Variants in SEPTIN7 observed in about 807,000 individuals in gnomAD.
The protein encoded by SEPTIN7 is septin 7.
A neutral mutation model predicts 63.3 loss-of-function variants in SEPTIN7; 10 were observed. The observed-to-expected ratio is 0.16, with a 90% CI of 0.10 to 0.27. SEPTIN7 has a LOEUF of 0.27. Among genes scored for constraint, SEPTIN7 ranks in the 10% least tolerant of loss-of-function variants. SEPTIN7 has a pLI of 1.00. For synonymous variants in SEPTIN7, 131 were observed against 165.3 expected (o/e 0.79, Z 1.59); for missense variants, 310 against 521.0 (o/e 0.59, Z 3.94).
intron 3 of SEPTIN7, among the ~76,000 whole-genome samples, chr7:35,844,470 G>A (rs1382417871): frequency 2.0e-5 from 3 of 152,192 alleles, no homozygotes; most frequent in African/African-American, 4.8e-5. Flanking sequence ...TTGTAAAAGT[G>A]CAGCAGCTGT....
At chr7:35,834,335 A>G (rs959240165) in intron 3 of SEPTIN7, among the ~76,000 whole-genome samples, 3 of 152,030 alleles carry the variant, frequency 2.0e-5, no homozygotes, top group Non-Finnish European at 4.4e-5. Context: ...TAGTAGGATA[A>G]TGTCTGGTGA....
rs187822251 is a variant in SEPTIN7, at chr7:35,808,709, G to A, written c.61+7439G>A. ...CACCTCCCTTGCACCTCTTTTATAA[G>A]GTCATTAATCCTATTAATACCATTA... On this transcript the variant is annotated intron_variant, in intron 1 of 13. Coordinates refer to ENST00000350320, the MANE Select transcript of SEPTIN7 (RefSeq NM_001788.6). 3.1e-3 allele frequency among the ~76,000 whole-genome samples: 472 copies of A among 152,222 alleles called. 5 individuals carry two copies. Among genetic ancestry groups the A allele is most frequent in the African/African-American group, 0.011 (454 of 41,524 alleles).
At position 35,809,983 on chromosome 7, in the gene SEPTIN7, A is replaced by T. The variant is rs189547780; in HGVS notation, c.61+8713A>T. On this transcript the variant is annotated intron_variant, in intron 1 of 13. Coordinates refer to ENST00000350320, the MANE Select transcript of SEPTIN7 (RefSeq NM_001788.6). ...GTTAGGGAAGATGTGGGTGGTGAGT[A>T]ATGAGTCCAGAATATTTGAGCTTTC... Among the ~76,000 whole-genome samples, 4 of 152,230 alleles carry T rather than the reference A, an allele frequency of 2.6e-5. No homozygotes were observed. In the East Asian group the frequency reaches 5.8e-4, roughly 22 times the overall value.
chr7:35,820,382 C>T (rs1348614560), intron 1 of SEPTIN7, among the ~76,000 whole-genome samples: 1 of 152,118 alleles, frequency 6.6e-6, no homozygotes, highest in South Asian at 2.1e-4. Flanking sequence ...CCTTCCCTCC[C>T]TTACTTCATG....
At chr7:35,858,337 A>C (rs1169481218) in intron 3 of SEPTIN7, among the ~76,000 whole-genome samples, 1 of 152,044 alleles carries the variant, frequency 6.6e-6, no homozygotes, top group East Asian at 1.9e-4. Flanking sequence ...TCTTTTGAAG[A>C]ACCAACAATT....
intron 4 of SEPTIN7, among the ~76,000 whole-genome samples, chr7:35,864,218 A>G (rs559319324): frequency 6.1e-4 from 93 of 152,212 alleles, no homozygotes; most frequent in Non-Finnish European, 1.6e-4. Context: ...GCGATTCTGT[A>G]AGACTCCCAA....
chr7:35,856,453 C>T (rs1478383578), intron 3 of SEPTIN7, among the ~76,000 whole-genome samples: 1 of 152,146 alleles, frequency 6.6e-6, no homozygotes, highest in South Asian at 2.1e-4. Context: ...GTGTGTAAGA[C>T]TTTGTTTTTA....
At chr7:35,830,255 T>A (rs1326127069) in intron 1 of SEPTIN7, among the ~76,000 whole-genome samples, 1 of 151,330 alleles carries the variant, frequency 6.6e-6, no homozygotes, top group Non-Finnish European at 1.5e-5. Context: ...ATGCACTGTA[T>A]GTTTGGGGGG....
chr7:35,869,139 G>A (rs1785992022), intron 4 of SEPTIN7, among the ~76,000 whole-genome samples: 1 of 152,120 alleles, frequency 6.6e-6, no homozygotes, highest in Non-Finnish European at 1.5e-5. Flanking sequence ...GTTTTGGGAA[G>A]GAGGTTGCTA....
At chr7:35,903,485 T>G (rs1009930848) in intron 13 of SEPTIN7, among the ~76,000 whole-genome samples, 16 of 152,180 alleles carry the variant, frequency 1.1e-4, no homozygotes, top group Admixed American at 3.3e-4. Flanking sequence ...TAACTTACCT[T>G]CATTGGATTT....
intron 11 of SEPTIN7, among the ~76,000 whole-genome samples, chr7:35,895,501 T>A (rs774820218): frequency 6.6e-6 from 1 of 152,214 alleles, no homozygotes; most frequent in Non-Finnish European, 1.5e-5. Flanking sequence ...GAAACACACA[T>A]TTGCAGGTTT....
chr7:35,878,790 G>T (rs904084999), intron 6 of SEPTIN7, among the ~76,000 whole-genome samples: 3 of 152,092 alleles, frequency 2.0e-5, no homozygotes, highest in Non-Finnish European at 2.9e-5. Flanking sequence ...GGAAAATGGG[G>T]GTTCAGATGA....
chr7:35,823,693 A>T (rs1783350598), intron 1 of SEPTIN7, among the ~76,000 whole-genome samples: 1 of 152,190 alleles, frequency 6.6e-6, no homozygotes, highest in Admixed American at 6.5e-5. Flanking sequence ...TTGCTACTGG[A>T]GGAAAAGATC....
chr7:35,862,859 C>A (rs1423743481), intron 3 of SEPTIN7, among the ~76,000 whole-genome samples: 2 of 152,080 alleles, frequency 1.3e-5, no homozygotes, highest in African/African-American at 4.8e-5. Flanking sequence ...GTAATAGTTA[C>A]TATATACTAG....
At chr7:35,810,957 C>T (rs1318889171) in intron 1 of SEPTIN7, among the ~76,000 whole-genome samples, 8 of 151,746 alleles carry the variant, frequency 5.3e-5, no homozygotes, top group Non-Finnish European at 7.4e-5. Context: ...TTAGTAGAGA[C>T]GGGGTTTCAC....
At chr7:35,844,934 A>G (rs945518293) in intron 3 of SEPTIN7, among the ~76,000 whole-genome samples, 3 of 152,138 alleles carry the variant, frequency 2.0e-5, no homozygotes, top group Non-Finnish European at 4.4e-5. Flanking sequence ...GTGATTACAA[A>G]AAGTAAACGA....
chr7:35,898,125 T>C (rs938070212), intron 11 of SEPTIN7, 123 bp from the exon 12 acceptor site: 2 of 630,956 alleles, frequency 3.2e-6, no homozygotes, highest in African/African-American at 3.7e-5. Flanking sequence ...AAAGAAGTTC[T>C]AGGTTATAAA....
chr7:35,806,723 T>A (rs1283576326), intron 1 of SEPTIN7, among the ~76,000 whole-genome samples: 1 of 152,236 alleles, frequency 6.6e-6, no homozygotes, highest in Non-Finnish European at 1.5e-5. Flanking sequence ...CTGATAAGAT[T>A]TCTAATAGCC....
chr7:35,816,328 T>C (rs1789061286), intron 1 of SEPTIN7, among the ~76,000 whole-genome samples: 1 of 152,206 alleles, frequency 6.6e-6, no homozygotes, highest in Non-Finnish European at 1.5e-5. Flanking sequence ...TGAGATCATA[T>C]AATGTGACTT....
Sources: gnomAD v4.1 joint callset for allele counts (sites outside exome capture counted in the v4.1 genomes callset) on GRCh38, gnomAD v4.1.1 for gene constraint, MANE v1.5 for transcripts, NCBI Gene and HGNC (gene_info 2026-07-23, HGNC 2026-07-21) for gene names.